Variants in WDR27 observed in about 807,000 individuals in gnomAD.
WDR27 encodes WD repeat-containing protein 27.
A neutral mutation model predicts 114.4 loss-of-function variants in WDR27; 100 were observed. The ratio of observed to expected loss-of-function variants is 0.87; its 90% CI spans 0.74 to 1.03. WDR27 has a LOEUF of 1.03. Among genes scored for constraint, WDR27 ranks in the 50% least tolerant of loss-of-function variants. WDR27 has a pLI of 0.00. For synonymous variants in WDR27, 449 were observed against 423.1 expected (o/e 1.06, Z -0.75); for missense variants, 1,129 against 1,092.9 (o/e 1.03, Z -0.47).
chr6:169,582,895 G>A lies in WDR27; in HGVS notation c.2464C>T (p.Arg822Trp), dbSNP rs77357984. The A allele has an allele frequency of 1.3e-3, 2,099 of 1,613,822 alleles. 29 individuals are homozygous for A. The African/African-American group carries it at 0.025, about 19-fold the overall frequency. Residue 822 changes from arginine to tryptophan, a missense_variant, in exon 24 of 26, where the codon CGG becomes TGG. By Grantham distance (101) the Arg-to-Trp change is moderately radical (BLOSUM62 -3). Coordinates refer to ENST00000448612, the MANE Select transcript of WDR27 (RefSeq NM_182552.5). ...ACAGTGTCTGTGTGCCCAGCCAGCCGGTGAGAAAACGTGCTTGAGCCCATT... is the reference window on the plus strand; with the variant it reads ...ACAGTGTCTGTGTGCCCAGCCAGCCAGTGAGAAAACGTGCTTGAGCCCATT... ...YEMGSSTFSH[R>W]LAGHTDTVTG...
intron 25 of WDR27, among the ~76,000 whole-genome samples, chr6:169,560,724 T>C (rs1479672850): frequency 6.6e-6 from 1 of 152,236 alleles, no homozygotes; most frequent in Admixed American, 6.5e-5. Flanking sequence ...TTTTTATATA[T>C]TACATATTTA....
chr6:169,646,807 G>A (rs891967755), intron 16 of WDR27, among the ~76,000 whole-genome samples: 1 of 151,798 alleles, frequency 6.6e-6, no homozygotes, highest in Non-Finnish European at 1.5e-5. Context: ...ATTCAAACTT[G>A]AGGGCAGATA....
At chr6:169,487,596 G>C (rs1026310029) in intron 25 of WDR27, among the ~76,000 whole-genome samples, 1 of 152,172 alleles carries the variant, frequency 6.6e-6, no homozygotes, top group Non-Finnish European at 1.5e-5. Flanking sequence ...TGAGCCATGA[G>C]CCTCCCTCTA....
intron 25 of WDR27, among the ~76,000 whole-genome samples, chr6:169,461,032 T>C (rs1171568909): frequency 1.3e-5 from 2 of 150,178 alleles, no homozygotes; most frequent in Non-Finnish European, 3.0e-5. Context: ...AGAAACAAAA[T>C]AGGACATTAC....
chr6:169,601,519 G>A (rs1807973716), intron 23 of WDR27, among the ~76,000 whole-genome samples: 1 of 152,160 alleles, frequency 6.6e-6, no homozygotes, highest in African/African-American at 2.4e-5. Flanking sequence ...CAGATAGAAT[G>A]ATGTTTTTTG....
intron 25 of WDR27, among the ~76,000 whole-genome samples, chr6:169,491,248 TTTCTCTC>T (rs1789714921): frequency 6.6e-6 from 1 of 152,142 alleles, no homozygotes; most frequent in South Asian, 2.1e-4. Flanking sequence ...ATGCATCAAA[TTTCTCTC>T]TAGGTTTTAT....
chr6:169,696,702 C>T (rs561449066), intron 1 of WDR27, among the ~76,000 whole-genome samples: 74 of 152,312 alleles, frequency 4.9e-4, no homozygotes, highest in African/African-American at 1.7e-3. Flanking sequence ...ATCACGAGGT[C>T]AGGAGTTCAA....
At chr6:169,554,284 C>T (rs78268686) in intron 25 of WDR27, among the ~76,000 whole-genome samples, 6,258 of 152,220 alleles carry the variant, frequency 0.041, 161 homozygotes, top group Non-Finnish European at 0.063. Context: ...GGGCTGCAGT[C>T]GGGCACAAGT....
intron 2 of WDR27, among the ~76,000 whole-genome samples, chr6:169,675,029 T>A (rs1158645230): frequency 6.6e-6 from 1 of 152,092 alleles, no homozygotes; most frequent in Non-Finnish European, 1.5e-5. Flanking sequence ...CATTTTCACT[T>A]CTTTTGTGGT....
chr6:169,431,236 C>T, the WDR27 span, among the ~76,000 whole-genome samples: 1 of 152,202 alleles, frequency 6.6e-6, no homozygotes, highest in Non-Finnish European at 1.5e-5. Context: ...ATATCAAAGA[C>T]TGCCCCAGTC....
chr6:169,592,490 G>T (rs370345435), intron 23 of WDR27, among the ~76,000 whole-genome samples: 1 of 152,178 alleles, frequency 6.6e-6, no homozygotes, highest in South Asian at 2.1e-4. Flanking sequence ...CTTTTCAGAG[G>T]TTATTTTTTA....
intron 25 of WDR27, among the ~76,000 whole-genome samples, chr6:169,458,910 A>G (rs1784595734): frequency 6.6e-6 from 1 of 152,234 alleles, no homozygotes; most frequent in African/African-American, 2.4e-5. Context: ...TCCTTGGCAC[A>G]GAGTCAAGCT....
intron 24 of WDR27, among the ~76,000 whole-genome samples, chr6:169,580,933 T>TTTTATATA (rs1803268696): frequency 1.9e-5 from 1 of 53,684 alleles, no homozygotes; most frequent in African/African-American, 4.9e-5. Context: ...TTAGTGAATT[T>TTTTATATA]TATATATATA....
chr6:169,561,487 A>C (rs148066127), intron 25 of WDR27, among the ~76,000 whole-genome samples: 47 of 152,342 alleles, frequency 3.1e-4, no homozygotes, highest in Middle Eastern at 3.4e-3. Context: ...AAGTGGTTTC[A>C]TATCACTTAA....
intron 25 of WDR27, among the ~76,000 whole-genome samples, chr6:169,501,689 T>C (rs1373651877): frequency 2.2e-5 from 3 of 138,094 alleles, no homozygotes; most frequent in Non-Finnish European, 3.1e-5. Flanking sequence ...GGGTCTTGGT[T>C]GACTCCTTAT....
chr6:169,615,955 T>TAAA (rs58804837), intron 21 of WDR27, among the ~76,000 whole-genome samples: 1 of 144,480 alleles, frequency 6.9e-6, no homozygotes, highest in African/African-American at 2.5e-5. Context: ...GAAAACCTAA[T>TAAA]AAAAAAAAAA....
intron 24 of WDR27, among the ~76,000 whole-genome samples, chr6:169,581,038 C>T (rs555276016): frequency 6.6e-6 from 1 of 150,932 alleles, no homozygotes; most frequent in South Asian, 2.1e-4. Context: ...ACTGGTTTCT[C>T]GCTGCCTGTT....
At chr6:169,566,203 C>T (rs9371141) in intron 25 of WDR27, among the ~76,000 whole-genome samples, 87,520 of 149,122 alleles carry the variant, frequency 0.59, 28,506 homozygotes, top group Non-Finnish European at 0.72. Context: ...CATTTTGTAG[C>T]GTAAACAATA....
At position 169,686,498 on chromosome 6, in the gene WDR27, T is replaced by C. The variant is rs186885508; in HGVS notation, c.189+2319A>G. Among the ~76,000 whole-genome samples the C allele has an allele frequency of 2.0e-5, 3 of 152,200 alleles. No individual in the cohort carries two copies. The East Asian group carries it at 5.8e-4, about 29-fold the overall frequency. The stretch of plus-strand genomic sequence containing the variant: ...AATAAAAAGAAAAATATGACCCAAC[T>C]ATATGTGGACTACGAGAAACTCATC... On this transcript the variant is annotated intron_variant, in intron 2 of 25. Transcript: ENST00000448612.
Sources: allele counts gnomAD v4.1 joint callset (sites outside exome capture counted in the v4.1 genomes callset), GRCh38; gene constraint gnomAD v4.1.1; transcripts MANE v1.5; gene names NCBI Gene and HGNC (gene_info 2026-07-23, HGNC 2026-07-21).